The following RNF216 variants were observed in gnomAD, a reference collection of about 807,000 sequenced individuals.
RNF216 encodes E3 ubiquitin-protein ligase RNF216.
A neutral mutation model predicts 110.8 loss-of-function variants in RNF216; 72 were observed. The observed-to-expected ratio is 0.65, with a 90% CI of 0.54 to 0.79. The LOEUF (loss-of-function observed/expected upper bound fraction) is 0.79. RNF216 is among the 30% of genes least tolerant of loss of function. The pLI is 0.00. For missense variants in RNF216, 1,342 were observed against 1,141.2 expected (o/e 1.18, Z -2.54); for synonymous variants, 495 against 407.5 (o/e 1.21, Z -2.59).
intron 5 of RNF216, among the ~76,000 whole-genome samples, chr7:5,731,716 C>T (rs1322962580): frequency 6.6e-6 from 1 of 150,518 alleles, no homozygotes; most frequent in Non-Finnish European, 1.5e-5. Context: ...CAGTAGATTT[C>T]TAAGATGACC....
Position 5,742,453 on chromosome 7 carries a change from CAT to C in RNF216, c.202-640_202-639del, listed in dbSNP as rs558343206. On this transcript the variant is annotated intron_variant, in intron 3 of 16. Transcript: ENST00000389902. ...AGAAGAATAAGAAATGTTCAAAAAA[CAT>C]ATAAAAAAATCTAAATCTCATTAGT... Among the ~76,000 whole-genome samples the C allele has an allele frequency of 6.6e-5, 10 of 152,010 alleles. No homozygotes were observed. The South Asian group carries it at 1.9e-3, about 28-fold the overall frequency.
intron 13 of RNF216, among the ~76,000 whole-genome samples, chr7:5,666,909 G>A (rs1789567695): frequency 6.6e-6 from 1 of 151,424 alleles, no homozygotes; most frequent in African/African-American, 2.4e-5. Flanking sequence ...CTCAAGCCTG[G>A]GCTCAAGTGA....
intron 13 of RNF216, among the ~76,000 whole-genome samples, chr7:5,666,165 C>CA (rs575439935): frequency 0.013 from 832 of 65,186 alleles, 6 homozygotes; most frequent in African/African-American, 0.016. Context: ...GACTCCGTCT[C>CA]AAAAAAAAAA....
intron 8 of RNF216, 110 bp from the exon 9 acceptor site, chr7:5,721,282 C>G (rs562310718): frequency 9.7e-6 from 9 of 932,424 alleles, no homozygotes; most frequent in Non-Finnish European, 1.3e-5. Flanking sequence ...TCTGATGGTA[C>G]GTTTCATGAC....
At chr7:5,733,370 A>G (rs913961832) in intron 5 of RNF216, among the ~76,000 whole-genome samples, 3 of 152,222 alleles carry the variant, frequency 2.0e-5, no homozygotes, top group Non-Finnish European at 4.4e-5. Flanking sequence ...TGTGAGACTC[A>G]GGAAGTAGGA....
intron 13 of RNF216, among the ~76,000 whole-genome samples, chr7:5,707,294 CTTCT>C (rs1185147170): frequency 1.3e-5 from 2 of 152,096 alleles, no homozygotes; most frequent in African/African-American, 4.8e-5. Context: ...TTATTTATGT[CTTCT>C]TTAATTATTT....
At chr7:5,774,030 G>A (rs1796642342) in intron 1 of RNF216, among the ~76,000 whole-genome samples, 1 of 152,136 alleles carries the variant, frequency 6.6e-6, no homozygotes, top group African/African-American at 2.4e-5. Flanking sequence ...CTCATGAGTG[G>A]CACACCAGTG....
intron 3 of RNF216, among the ~76,000 whole-genome samples, chr7:5,748,515 T>A (rs1326253206): frequency 6.6e-6 from 1 of 152,164 alleles, no homozygotes; most frequent in Non-Finnish European, 1.5e-5. Context: ...GTGCTGGGAT[T>A]ATAGGCGTGA....
intron 2 of RNF216, among the ~76,000 whole-genome samples, chr7:5,757,696 G>A (rs1473046798): frequency 6.6e-6 from 1 of 152,126 alleles, no homozygotes; most frequent in African/African-American, 2.4e-5. Context: ...GTCAAAAAAA[G>A]CAGATTAGTG....
intron 13 of RNF216, among the ~76,000 whole-genome samples, chr7:5,701,791 G>A (rs1002351535): frequency 6.6e-6 from 1 of 152,212 alleles, no homozygotes; most frequent in African/African-American, 2.4e-5. Context: ...GCTGTGCAGA[G>A]CTGCACATCA....
intron 1 of RNF216, among the ~76,000 whole-genome samples, chr7:5,767,333 G>A (rs1796257413): frequency 6.6e-6 from 1 of 152,156 alleles, no homozygotes; most frequent in Non-Finnish European, 1.5e-5. Flanking sequence ...TGAAAAAATG[G>A]ACCTGAGGCA....
intron 13 of RNF216, among the ~76,000 whole-genome samples, chr7:5,682,790 CT>C (rs1251591317): frequency 6.6e-6 from 1 of 152,152 alleles, no homozygotes; most frequent in Non-Finnish European, 1.5e-5. Flanking sequence ...TGAAACTGTG[CT>C]CCAAGAGTCT....
chr7:5,716,149 C>A (rs979245661), intron 10 of RNF216, among the ~76,000 whole-genome samples: 1 of 152,168 alleles, frequency 6.6e-6, no homozygotes, highest in Non-Finnish European at 1.5e-5. Context: ...ATTTTGGCCT[C>A]TCAAAGTGCT....
At chr7:5,762,824 A>G (rs1005391046) in intron 1 of RNF216, among the ~76,000 whole-genome samples, 3 of 152,236 alleles carry the variant, frequency 2.0e-5, no homozygotes, top group Admixed American at 1.3e-4. Context: ...TACATATAAC[A>G]TCTTTTTTCT....
intron 13 of RNF216, among the ~76,000 whole-genome samples, chr7:5,706,893 G>C (rs1399284048): frequency 6.6e-6 from 1 of 152,120 alleles, no homozygotes; most frequent in Non-Finnish European, 1.5e-5. Context: ...AGTTTTTATA[G>C]TTTCAGGTCT....
At chr7:5,736,961 C>T (rs879413293) in intron 5 of RNF216, among the ~76,000 whole-genome samples, 11 of 151,932 alleles carry the variant, frequency 7.2e-5, no homozygotes, top group South Asian at 2.1e-4. Context: ...CACCTCTGCC[C>T]GGCTGCCCCT....
intron 13 of RNF216, among the ~76,000 whole-genome samples, chr7:5,695,416 C>G (rs1336419572): frequency 6.6e-6 from 1 of 152,138 alleles, no homozygotes. Flanking sequence ...ACATCGCCTT[C>G]CTCTCCTGTT....
rs1419667625 is a variant in RNF216 at position 5,721,161 on chromosome 7, T to C, written c.1516A>G (p.Ile506Val). 4 of 1,613,994 alleles carry C rather than the reference T, an allele frequency of 2.5e-6. No individual in the cohort carries two copies. The highest frequency in any genetic ancestry group is 2.2e-5 in the East Asian group (1 of 44,882). The change falls in exon 9 of 17, where the codon ATA (isoleucine) becomes GTA (valine). Residue 506 changes from isoleucine (I) to valine (V), a missense_variant. Transcript: ENST00000389902. ...TCAAGAAAGAACATCCTCTTTTCTA[T>C]TTTTATGTCACCTAGAAGATATACG... ...DFKFEQGDIK[I>V]EKRMFFLENK...
intron 12 of RNF216, among the ~76,000 whole-genome samples, chr7:5,712,282 C>A (rs1218357334): frequency 6.6e-6 from 1 of 152,126 alleles, no homozygotes; most frequent in Non-Finnish European, 1.5e-5. Flanking sequence ...GAGTTGGAGA[C>A]CAGCCTGGCC....
Sources: gnomAD v4.1 joint callset for allele counts (sites outside exome capture counted in the v4.1 genomes callset) on GRCh38, gnomAD v4.1.1 for gene constraint, MANE v1.5 for transcripts, NCBI Gene and HGNC (gene_info 2026-07-23, HGNC 2026-07-21) for gene names.